EFNA5: variants seen among roughly 807,000 people sequenced by gnomAD.
EFNA5 encodes the protein ephrin-A5.
In EFNA5, 5 loss-of-function variants were observed where a neutral mutation model predicts 22.9. The observed-to-expected ratio is 0.22, with a 90% CI of 0.11 to 0.46. EFNA5 has a LOEUF of 0.46. Ranked by LOEUF, EFNA5 falls within the 20% of genes least tolerant of loss-of-function variation. EFNA5 has a pLI of 0.99. For missense variants in EFNA5, 237 were observed against 293.3 expected, an observed-to-expected ratio of 0.81 and a Z score of 1.40; for synonymous variants, 113 against 112.2, an observed-to-expected ratio of 1.01 and a Z score of -0.04.
chr5:107,420,359 G>A (rs1748620579), intron 2 of EFNA5, among the ~76,000 whole-genome samples: 1 of 151,472 alleles, frequency 6.6e-6, no homozygotes, highest in Non-Finnish European at 1.5e-5. Flanking sequence ...ATATTTCATC[G>A]AGACTCAAAA....
At chr5:107,603,634 G>C (rs919051213) in intron 1 of EFNA5, among the ~76,000 whole-genome samples, 17 of 152,160 alleles carry the variant, frequency 1.1e-4, no homozygotes, top group African/African-American at 4.1e-4. Flanking sequence ...TTTGTCATCA[G>C]TGTTTTACAT....
At chr5:107,501,340 G>C (rs1747129732) in intron 1 of EFNA5, among the ~76,000 whole-genome samples, 1 of 152,062 alleles carries the variant, frequency 6.6e-6, no homozygotes, top group African/African-American at 2.4e-5. Flanking sequence ...ACAGTCTTTA[G>C]CTACAAATTA....
At chr5:107,630,966 T>C (rs1750237184) in intron 1 of EFNA5, among the ~76,000 whole-genome samples, 1 of 152,128 alleles carries the variant, frequency 6.6e-6, no homozygotes, top group South Asian at 2.1e-4. Context: ...CTCCACATCT[T>C]GTCCTGCTGA....
intron 1 of EFNA5, among the ~76,000 whole-genome samples, chr5:107,427,879 A>G (rs1309836942): frequency 6.6e-6 from 1 of 152,186 alleles, no homozygotes; most frequent in African/African-American, 2.4e-5. Flanking sequence ...CAAAGTTTTT[A>G]TATTTTTATA....
intron 1 of EFNA5, among the ~76,000 whole-genome samples, chr5:107,555,735 AAAAATAATGG>A (rs1285818760): frequency 2.0e-5 from 3 of 152,222 alleles, no homozygotes; most frequent in Non-Finnish European, 4.4e-5. Context: ...ATCTCAAGCC[AAAAATAATGG>A]AAAGAAACTT....
At chr5:107,420,910 A>G (rs1314710479) in intron 2 of EFNA5, among the ~76,000 whole-genome samples, 1 of 152,188 alleles carries the variant, frequency 6.6e-6, no homozygotes, top group East Asian at 1.9e-4. Context: ...CACTTCTACG[A>G]AAAACTATAT....
intron 1 of EFNA5, among the ~76,000 whole-genome samples, chr5:107,540,773 G>A (rs140626496): frequency 4.1e-4 from 62 of 152,266 alleles, no homozygotes; most frequent in Middle Eastern, 3.4e-3. Context: ...TCTACCCTAA[G>A]GAACTCATTA....
In EFNA5 at chr5:107,381,811, T is replaced by C. The variant is rs148324984; in HGVS notation, c.566-435A>G. Among the ~76,000 whole-genome samples, 26 of 152,306 alleles carry C rather than the reference T, an allele frequency of 1.7e-4. No individual in the cohort carries two copies. The East Asian group carries it at 4.6e-3, about 27-fold the overall frequency. On this transcript the variant is annotated intron_variant, in intron 4 of 4. Coordinates refer to ENST00000333274, the MANE Select transcript of EFNA5 (RefSeq NM_001962.3). ...GTGGTTAACCAGAATGCGCTGCCCA[T>C]TTCCCTTCTTTTAGCTGTTTCATAG...
chr5:107,435,170 T>C (rs1218257925), intron 1 of EFNA5, among the ~76,000 whole-genome samples: 1 of 152,166 alleles, frequency 6.6e-6, no homozygotes, highest in Non-Finnish European at 1.5e-5. Flanking sequence ...CAGATATGGG[T>C]TTGGTTTATA....
intron 2 of EFNA5, among the ~76,000 whole-genome samples, chr5:107,424,198 A>ATTTTTTTT: frequency 1.0e-5 from 1 of 95,706 alleles, no homozygotes; most frequent in Non-Finnish European, 2.0e-5. Flanking sequence ...TCTTTCTTTC[A>ATTTTTTTT]TTTTTTTTTT....
chr5:107,448,833 A>ATAAG (rs1375052725), intron 1 of EFNA5, among the ~76,000 whole-genome samples: 17 of 112,576 alleles, frequency 1.5e-4, no homozygotes, highest in Non-Finnish European at 5.4e-5. Context: ...CTGTCTCACA[A>ATAAG]TAAATAAATA....
intron 2 of EFNA5, 102 bp downstream of exon 2, chr5:107,427,115 T>A (rs1317086933): frequency 2.4e-6 from 3 of 1,234,414 alleles, no homozygotes; most frequent in Non-Finnish European, 2.3e-6. Context: ...GAGATATCTG[T>A]AATGCAGAGT....
At chr5:107,524,008 T>G (rs1195356540) in intron 1 of EFNA5, among the ~76,000 whole-genome samples, 2 of 152,244 alleles carry the variant, frequency 1.3e-5, no homozygotes, top group Non-Finnish European at 2.9e-5. Context: ...TGATAGCAAT[T>G]AATAGATTCC....
chr5:107,497,222 C>G (rs749303619), intron 1 of EFNA5, among the ~76,000 whole-genome samples: 32 of 152,168 alleles, frequency 2.1e-4, no homozygotes, highest in Admixed American at 6.5e-5. Context: ...AATAAATCAA[C>G]ACATTTACAT....
intron 1 of EFNA5, among the ~76,000 whole-genome samples, chr5:107,428,405 C>G (rs252804): frequency 0.78 from 118,042 of 152,080 alleles, 46,256 homozygotes; most frequent in Non-Finnish European, 0.81. Context: ...ATGTACACAC[C>G]TGAATACACA....
chr5:107,413,063 T>C (rs558133570), intron 2 of EFNA5, among the ~76,000 whole-genome samples: 1 of 152,302 alleles, frequency 6.6e-6, no homozygotes, highest in Non-Finnish European at 1.5e-5. Context: ...AAACCACTTA[T>C]TAAACTAGCA....
At chr5:107,413,651 T>A (rs1457842146) in intron 2 of EFNA5, among the ~76,000 whole-genome samples, 1 of 152,208 alleles carries the variant, frequency 6.6e-6, no homozygotes, top group Non-Finnish European at 1.5e-5. Context: ...ATTCTTATCC[T>A]AACACAGCTT....
At chr5:107,570,757 A>C (rs1748785493) in intron 1 of EFNA5, among the ~76,000 whole-genome samples, 1 of 152,204 alleles carries the variant, frequency 6.6e-6, no homozygotes, top group Non-Finnish European at 1.5e-5. Flanking sequence ...TATTGTGCAC[A>C]TGACTGGCTT....
At chr5:107,460,135 G>C (rs971860183) in intron 1 of EFNA5, among the ~76,000 whole-genome samples, 2 of 152,104 alleles carry the variant, frequency 1.3e-5, no homozygotes, top group Non-Finnish European at 2.9e-5. Context: ...TCAAGAGGTA[G>C]GGACCTTTTC....
Sources: gnomAD v4.1 joint callset for allele counts (sites outside exome capture counted in the v4.1 genomes callset) on GRCh38, gnomAD v4.1.1 for gene constraint, MANE v1.5 for transcripts, NCBI Gene and HGNC (gene_info 2026-07-23, HGNC 2026-07-21) for gene names.